Variants in SEMA3C observed in about 807,000 individuals in gnomAD.
The protein encoded by SEMA3C is semaphorin-3C.
Under a neutral mutation model 89.4 loss-of-function variants are expected in SEMA3C, and 47 were observed. The ratio of observed to expected loss-of-function variants is 0.53; its 90% CI spans 0.42 to 0.67. The LOEUF (loss-of-function observed/expected upper bound fraction) is 0.67, where lower values mean the gene tolerates loss of function less well. Ranked by LOEUF, SEMA3C falls within the 30% of genes least tolerant of loss-of-function variation. The pLI, the probability that SEMA3C is intolerant of heterozygous loss-of-function variation, is 0.00. For missense variants in SEMA3C, 839 were observed against 929.1 expected, an observed-to-expected ratio of 0.90 and a Z score of 1.26; for synonymous variants, 310 against 320.2, an observed-to-expected ratio of 0.97 and a Z score of 0.34.
intron 2 of SEMA3C, among the ~76,000 whole-genome samples, chr7:80,907,510 G>A (rs964098802): frequency 1.3e-5 from 2 of 152,012 alleles, no homozygotes; most frequent in East Asian, 1.9e-4. Context: ...TTTATGGAGC[G>A]ACAATCTGGC....
intron 2 of SEMA3C, among the ~76,000 whole-genome samples, chr7:80,879,547 C>T (rs955502459): frequency 1.6e-4 from 25 of 152,230 alleles, no homozygotes; most frequent in African/African-American, 6.0e-4. Flanking sequence ...TGAAACCCTC[C>T]CTTCAGTCCA....
intron 6 of SEMA3C, 67 bp downstream of exon 6, chr7:80,810,544 A>AT: frequency 8.0e-7 from 1 of 1,246,874 alleles, no homozygotes; most frequent in Non-Finnish European, 1.2e-6. Flanking sequence ...AAGAATAGGT[A>AT]TACCATGTCA....
intron 4 of SEMA3C, among the ~76,000 whole-genome samples, chr7:80,823,823 G>A: frequency 6.6e-6 from 1 of 152,170 alleles, no homozygotes; most frequent in South Asian, 2.1e-4. Context: ...ATGTTTGACA[G>A]CATGTGCTAT....
At chr7:80,911,807 G>A (rs1792157560) in intron 2 of SEMA3C, among the ~76,000 whole-genome samples, 1 of 151,884 alleles carries the variant, frequency 6.6e-6, no homozygotes, top group African/African-American at 2.4e-5. Flanking sequence ...CTAATTTTTT[G>A]TATTTTTAGT....
chr7:80,916,946 GT>G (rs1792292272), intron 1 of SEMA3C, 127 bp from the exon 2 acceptor site: 1 of 650,914 alleles, frequency 1.5e-6, no homozygotes, highest in African/African-American at 1.9e-5. Flanking sequence ...AATGCAAACA[GT>G]AGGAGGTGCT....
intron 16 of SEMA3C, among the ~76,000 whole-genome samples, chr7:80,749,524 C>T (rs146787254): frequency 6.6e-6 from 1 of 152,044 alleles, no homozygotes; most frequent in Non-Finnish European, 1.5e-5. Context: ...AGTATTGTGG[C>T]CTTGGTGGAA....
intron 12 of SEMA3C, among the ~76,000 whole-genome samples, chr7:80,779,551 T>C (rs913577129): frequency 6.6e-6 from 1 of 152,190 alleles, no homozygotes; most frequent in Non-Finnish European, 1.5e-5. Context: ...TTATAGGCTC[T>C]CATCATTTCT....
intron 2 of SEMA3C, among the ~76,000 whole-genome samples, chr7:80,857,377 TTAAAA>T (rs1270366997): frequency 1.1e-4 from 16 of 152,094 alleles, no homozygotes; most frequent in Admixed American, 2.6e-4. Flanking sequence ...AATTTAGCAG[TTAAAA>T]TAAAGTTTTA....
At chr7:80,811,184 A>G (rs909488693) in intron 5 of SEMA3C, among the ~76,000 whole-genome samples, 1 of 152,168 alleles carries the variant, frequency 6.6e-6, no homozygotes. Flanking sequence ...TTCATAATTC[A>G]TATTTAAAAT....
At chr7:80,858,267 TA>T (rs1331985738) in intron 2 of SEMA3C, among the ~76,000 whole-genome samples, 1 of 152,120 alleles carries the variant, frequency 6.6e-6, no homozygotes, top group Admixed American at 6.6e-5. Flanking sequence ...ATGCATACTT[TA>T]AAAAATCTCC....
intron 14 of SEMA3C, among the ~76,000 whole-genome samples, chr7:80,759,940 G>C (rs1788146391): frequency 6.6e-6 from 1 of 152,102 alleles, no homozygotes; most frequent in Admixed American, 6.6e-5. Context: ...TAGTATATTT[G>C]AGTGTAGGAC....
chr7:80,833,999 C>T (rs976910283), intron 2 of SEMA3C, among the ~76,000 whole-genome samples: 2 of 152,142 alleles, frequency 1.3e-5, no homozygotes, highest in Non-Finnish European at 2.9e-5. Flanking sequence ...CAAAGAATGG[C>T]ATTGTCATTC....
chr7:80,835,799 T>C (rs767313490), intron 2 of SEMA3C, among the ~76,000 whole-genome samples: 9 of 152,172 alleles, frequency 5.9e-5, no homozygotes, highest in Non-Finnish European at 1.0e-4. Flanking sequence ...ACAATTTCCA[T>C]TCAAAGTCTT....
At chr7:80,753,161 A>C (rs1787976530) in intron 15 of SEMA3C, among the ~76,000 whole-genome samples, 1 of 152,182 alleles carries the variant, frequency 6.6e-6, no homozygotes, top group South Asian at 2.1e-4. Context: ...CGTGACCCGT[A>C]CCGATTGTGT....
chr7:80,865,591 C>A (rs964038926), intron 2 of SEMA3C, among the ~76,000 whole-genome samples: 8 of 152,000 alleles, frequency 5.3e-5, no homozygotes, highest in Non-Finnish European at 1.0e-4. Flanking sequence ...AGTTCAAAAG[C>A]AGCCTGGCCA....
intron 2 of SEMA3C, among the ~76,000 whole-genome samples, chr7:80,850,622 A>T (rs547634894): frequency 6.6e-6 from 1 of 152,290 alleles, no homozygotes; most frequent in East Asian, 1.9e-4. Context: ...GGAGACGGTC[A>T]CCGGAGTGAC....
chr7:80,763,464 G>C (rs757378221), intron 13 of SEMA3C, among the ~76,000 whole-genome samples: 6 of 151,938 alleles, frequency 3.9e-5, no homozygotes, highest in Non-Finnish European at 8.8e-5. Context: ...ACTTTTTTTG[G>C]TGTCTCATGG....
intron 2 of SEMA3C, among the ~76,000 whole-genome samples, chr7:80,884,983 T>C (rs1349780720): frequency 6.6e-6 from 1 of 152,234 alleles, no homozygotes; most frequent in Admixed American, 6.5e-5. Flanking sequence ...TCCCACAAAG[T>C]ACAAGCAAAA....
At chr7:80,758,171 C>A (rs1788105854) in intron 15 of SEMA3C, among the ~76,000 whole-genome samples, 160 bp downstream of exon 15, 1 of 152,072 alleles carries the variant, frequency 6.6e-6, no homozygotes, top group African/African-American at 2.4e-5. Context: ...TAACACATTA[C>A]CATTTTCTTC....
Sources: gnomAD v4.1 joint callset for allele counts (sites outside exome capture counted in the v4.1 genomes callset) on GRCh38, gnomAD v4.1.1 for gene constraint, MANE v1.5 for transcripts, NCBI Gene and HGNC (gene_info 2026-07-23, HGNC 2026-07-21) for gene names.